Variants in ITFG2 observed in about 807,000 individuals in gnomAD.
The protein encoded by ITFG2 is integrin alpha FG-GAP repeat containing 2, also known as KICSTOR complex protein ITFG2.
ITFG2 carries 36 observed loss-of-function variants against 54.4 expected under a neutral mutation model. The ratio of observed to expected loss-of-function variants is 0.66; its 90% CI spans 0.51 to 0.87. ITFG2 has a LOEUF of 0.87. Among genes scored for constraint, ITFG2 ranks in the 40% least tolerant of loss-of-function variants. ITFG2 has a pLI of 0.00. For synonymous variants in ITFG2, 211 were observed against 225.4 expected (o/e 0.94, Z 0.57); for missense variants, 524 against 576.7 (o/e 0.91, Z 0.94).
At chr12:2,842,331 C>A (rs1004075034) in intron 2 of ITFG2, among the ~76,000 whole-genome samples, 4 of 151,300 alleles carry the variant, frequency 2.6e-5, no homozygotes, top group Non-Finnish European at 5.9e-5. Context: ...CCATATTAGC[C>A]AGGATGGTCT....
Position 2,824,096 on chromosome 12 carries a change from ACGACCTCC to A in ITFG2, c.1249_1256del (p.Asp417CysfsTer35), listed in dbSNP as rs1391184855. ...ACCCCTTCTTGGCTCTCAGATCCTG[ACGACCTCC>A]CTGTGACTCGTGCCCTGCTTCACCA... On this transcript the variant is annotated frameshift_variant, in exon 12 of 12. Coordinates refer to ENST00000228799, the MANE Select transcript of ITFG2 (RefSeq NM_018463.4). LOFTEE classifies it high-confidence loss of function. 6.2e-7 allele frequency: 1 copy of A among 1,613,982 alleles called. No individual in the cohort carries two copies. Among genetic ancestry groups the A allele is most frequent in the South Asian group, 1.1e-5 (1 of 91,068 alleles).
At chr12:2,821,620 TG>T (rs780510563) in intron 8 of ITFG2, 24 bp downstream of exon 8, 1 of 1,613,982 alleles carries the variant, frequency 6.2e-7, no homozygotes, top group Non-Finnish European at 8.5e-7. Flanking sequence ...GGATGGGGTG[TG>T]GGGGCTGTAT....
At chr12:2,849,496 A>G in intron 2 of ITFG2, 2 of 1,536,142 alleles carry the variant, frequency 1.3e-6, no homozygotes, top group Non-Finnish European at 1.7e-6. Context: ...CTGGGGTTCA[A>G]ACCTCCCACC....
At chr12:2,829,386 G>T (rs538692592), downstream of ITFG2, among the ~76,000 whole-genome samples, 50 of 152,136 alleles carry the variant, frequency 3.3e-4, no homozygotes, top group Non-Finnish European at 6.0e-4. Flanking sequence ...ATATGTTACC[G>T]GAAGGTATAT....
At chr12:2,833,718 A>G (rs1342739049), upstream of ITFG2, among the ~76,000 whole-genome samples, 1 of 152,150 alleles carries the variant, frequency 6.6e-6, no homozygotes, top group East Asian at 1.9e-4. Flanking sequence ...TAAATGGAGT[A>G]ATAGCTGGGG....
At position 2,821,246 on chromosome 12, in the gene ITFG2, C is replaced by T. The variant is rs2097943144; in HGVS notation, c.696-16C>T. The T allele has an allele frequency of 8.8e-6, 14 of 1,589,644 alleles. No individual in the cohort carries two copies. The highest frequency in any genetic ancestry group is 1.2e-5 in the Non-Finnish European group (14 of 1,164,856). The stretch of plus-strand genomic sequence containing the variant: ...CACTTGGTCTCCCGCTTGATCCGTC[C>T]ACCTGCTGTGCACAGGGAGACCCCA... On this transcript the variant is annotated splice_polypyrimidine_tract_variant and intron_variant, in intron 6 of 11. Transcript: ENST00000228799.
At chr12:2,852,420 G>T (rs775768359) in intron 2 of ITFG2, among the ~76,000 whole-genome samples, 4 of 152,058 alleles carry the variant, frequency 2.6e-5, no homozygotes, top group Non-Finnish European at 5.9e-5. Flanking sequence ...AGCCTGGAGT[G>T]CAGTGGCACA....
chr12:2,838,717 G>A (rs79545108), intron 1 of ITFG2, among the ~76,000 whole-genome samples: 25 of 152,298 alleles, frequency 1.6e-4, no homozygotes, highest in Non-Finnish European at 2.8e-4. Flanking sequence ...GGCAGACTCC[G>A]CAGTAAGGAG....
intron 2 of ITFG2, chr12:2,856,973 CAT>C: frequency 2.8e-6 from 2 of 703,040 alleles, no homozygotes; most frequent in East Asian, 2.7e-5. Flanking sequence ...AAGGTTCTTC[CAT>C]ATGAGATGGG....
At chr12:2,855,820 A>C (rs1196105503) in intron 2 of ITFG2, among the ~76,000 whole-genome samples, 1 of 152,102 alleles carries the variant, frequency 6.6e-6, no homozygotes, top group African/African-American at 2.4e-5. Context: ...GAAATCATGA[A>C]GGGAAATGCT....
chr12:2,828,327 C>T (rs2097980512), downstream of ITFG2: 5 of 1,613,768 alleles, frequency 3.1e-6, no homozygotes, highest in Admixed American at 3.3e-5. Context: ...GGGCCACATT[C>T]TTACCCCAGG....
rs746133559 is a variant in ITFG2 at position 2,830,836 on chromosome 12, G to A, written c.*62G>A. The stretch of plus-strand genomic sequence containing the variant: ...CAATTCGGGTTTCCCTCCACCAGGC[G>A]TCTTTGGATCACACTGCGCGGCTGC... On this transcript the variant is annotated splice_region_variant and 3_prime_UTR_variant and NMD_transcript_variant, in exon 3 of 3. Transcript: ENST00000538822. The A allele has an allele frequency of 4.9e-5, 79 of 1,613,424 alleles. No individual in the cohort carries two copies. The highest frequency in any genetic ancestry group is 1.6e-4 in the Middle Eastern group (1 of 6,072).
In ITFG2 at chr12:2,824,157, A is replaced by G. The variant is rs376593101; in HGVS notation, c.1308A>G (p.Pro436=). 1 of 1,614,164 alleles carries G rather than the reference A, an allele frequency of 6.2e-7. No homozygotes were observed. Among genetic ancestry groups the G allele is most frequent in the Non-Finnish European group, 8.5e-7 (1 of 1,180,012 alleles). ...CGCTCTACCATCCAGACCAGCCACC[A>G]CAGTGTGCTCCCTCAAGCCTCCAGG... ...HQTLYHPDQP[P]QCAPSSLQDP... is the part of the protein sequence containing the mutation. The change falls in exon 12 of 12, where the codon CCA becomes CCG. Residue 436 remains proline (P), a synonymous_variant. Coordinates refer to ENST00000228799, the MANE Select transcript of ITFG2 (RefSeq NM_018463.4).
intron 2 of ITFG2, chr12:2,855,441 G>C: frequency 6.8e-7 from 1 of 1,466,374 alleles, no homozygotes; most frequent in Non-Finnish European, 9.0e-7. Context: ...CGCTGGCCTG[G>C]ACCATCTAGG....
chr12:2,846,484 G>A (rs1168625551), intron 2 of ITFG2, among the ~76,000 whole-genome samples: 3 of 151,986 alleles, frequency 2.0e-5, no homozygotes, highest in Non-Finnish European at 2.9e-5. Context: ...CACCCCTCCC[G>A]TCCTCTCGCC....
downstream of ITFG2, chr12:2,828,353 G>T (rs767115475): frequency 4.3e-6 from 7 of 1,614,148 alleles, no homozygotes; most frequent in South Asian, 7.7e-5. Context: ...GAGACATCCA[G>T]CAGAGATCCG....
intron 4 of ITFG2, chr12:2,818,534 T>C (rs947769469): frequency 5.5e-6 from 3 of 541,942 alleles, no homozygotes; most frequent in Non-Finnish European, 9.4e-6. Flanking sequence ...GTGCTGCCTC[T>C]CGCCTGTGAT....
chr12:2,850,443 A>C (rs1192243656), intron 2 of ITFG2, among the ~76,000 whole-genome samples: 1 of 140,566 alleles, frequency 7.1e-6, no homozygotes, highest in Non-Finnish European at 1.5e-5. Context: ...ATGCCACTGC[A>C]CTCCAGCCTG....
chr12:2,820,908 G>A (rs781130955), intron 6 of ITFG2, 36 bp downstream of exon 6: 2 of 1,604,534 alleles, frequency 1.2e-6, no homozygotes, highest in South Asian at 2.2e-5. Flanking sequence ...GTGTGGGGGT[G>A]CATGGAAGCA....
Sources: allele counts gnomAD v4.1 joint callset (sites outside exome capture counted in the v4.1 genomes callset), GRCh38; gene constraint gnomAD v4.1.1; transcripts MANE v1.5; gene names NCBI Gene and HGNC (gene_info 2026-07-23, HGNC 2026-07-21).